COLQ: variants seen among roughly 807,000 people sequenced by gnomAD.
COLQ encodes acetylcholinesterase collagenic tail peptide.
In COLQ, 48 loss-of-function variants were observed where a neutral mutation model predicts 69.0. That is an observed-to-expected ratio of 0.70 (90% CI 0.55 to 0.88). The LOEUF is 0.88. Among genes scored for constraint, COLQ ranks in the 40% least tolerant of loss-of-function variants. The pLI is 0.00. For synonymous variants in COLQ, 217 were observed against 211.2 expected (o/e 1.03, Z -0.24); for missense variants, 618 against 594.6 (o/e 1.04, Z -0.41).
intron 14 of COLQ, 131 bp from the exon 15 acceptor site, chr3:15,456,150 G>T: frequency 8.8e-7 from 1 of 1,135,616 alleles, no homozygotes; most frequent in Non-Finnish European, 1.3e-6. Context: ...GGGTGGGAAA[G>T]GTACTCCTTT....
rs112017662 is a variant in COLQ, at chr3:15,455,754, G to A, written c.1195+145C>T. 4.9e-3 allele frequency: 4,768 copies of A among 982,124 alleles called. 135 individuals are homozygous for A. In the African/African-American group the frequency reaches 0.064, roughly 13 times the overall value. The allele number at this position is 982,124 out of a possible 1,614,324, so 60.8% of individuals were successfully genotyped here. A position where few individuals can be genotyped will look rare whatever the true frequency, so the allele number is the denominator to read the frequency against. On this transcript the variant is annotated intron_variant, in intron 15 of 16. Transcript: ENST00000383788. ...CTGAAACTGGGGCAGCAGGGACTGGGGTGGGTGGCACAAGGTGGCCTGGGT... is the reference window on the plus strand; with the variant it reads ...CTGAAACTGGGGCAGCAGGGACTGGAGTGGGTGGCACAAGGTGGCCTGGGT...
At chr3:15,488,157 C>T (rs199499628) in intron 3 of COLQ, 49 bp downstream of exon 3, 1 of 1,384,208 alleles carries the variant, frequency 7.2e-7, no homozygotes, top group East Asian at 2.3e-5. Context: ...AGTGGGCTTT[C>T]CTGCTCTAAA....
intron 12 of COLQ, 91 bp downstream of exon 12, chr3:15,466,250 C>A: frequency 1.1e-6 from 1 of 872,454 alleles, no homozygotes; most frequent in South Asian, 1.4e-5. Flanking sequence ...ACTTGAAACA[C>A]AAGGCATCTC....
At chr3:15,487,805 T>C (rs1002269593) in intron 3 of COLQ, among the ~76,000 whole-genome samples, 17 of 152,136 alleles carry the variant, frequency 1.1e-4, no homozygotes, top group Admixed American at 2.0e-4. Flanking sequence ...CCATCTCCTC[T>C]GCACCTCCAC....
At chr3:15,467,783 C>A (rs769806244) in intron 11 of COLQ, 3 of 441,982 alleles carry the variant, frequency 6.8e-6, no homozygotes, top group South Asian at 4.8e-5. Context: ...GAAATGTAAT[C>A]TTCCTCAAAT....
chr3:15,479,135 G>T, intron 4 of COLQ, 132 bp from the exon 5 acceptor site: 2 of 1,226,998 alleles, frequency 1.6e-6, no homozygotes, highest in Non-Finnish European at 2.4e-6. Context: ...CGGCCCCTCT[G>T]CCATGTCGAT....
In COLQ at chr3:15,451,650, G is replaced by T; in HGVS notation, c.1362C>A (p.Phe454Leu). ...CACCTTCTCCTCACGGCCCTCAGGT[G>T]AAGTAGCGGCAGGGCGTGGAGTCGA... is the stretch of plus-strand genomic sequence containing the variant. ...CYIDSTPCRY[F>L]T Residue 454 changes from phenylalanine (F) to leucine (L), a missense_variant, in exon 17 of 17, where the codon TTC becomes TTA. Transcript: ENST00000383788. The T allele has an allele frequency of 6.2e-7, 1 of 1,614,194 alleles. No homozygotes were observed. The highest frequency in any genetic ancestry group is 1.1e-5 in the South Asian group (1 of 91,082).
rs147866728 is a variant in COLQ at position 15,465,814 on chromosome 3, A to C, written c.814+527T>G. 2.5e-3 allele frequency among the ~76,000 whole-genome samples: 386 copies of C among 151,438 alleles called. 2 individuals carry two copies. Among genetic ancestry groups the C allele is most frequent in the African/African-American group, 9.1e-3 (375 of 41,256 alleles). ...AGAACGGTTTTTGCCATGGTTGACC[A>C]GGCTGGTTTCAAACTCCTGACCTCA... On this transcript the variant is annotated intron_variant, in intron 12 of 16. Transcript: ENST00000383788.
At chr3:15,507,666 G>A (rs1234097875) in intron 1 of COLQ, among the ~76,000 whole-genome samples, 1 of 152,152 alleles carries the variant, frequency 6.6e-6, no homozygotes, top group East Asian at 1.9e-4. Context: ...ATGTTGGCCA[G>A]CTGGTCTCAA....
chr3:15,499,007 A>T, intron 1 of COLQ: 5 of 1,051,224 alleles, frequency 4.8e-6, no homozygotes, highest in Non-Finnish European at 5.8e-6. Flanking sequence ...TGCTCTGGTA[A>T]GCCTCAAAGT....
At chr3:15,498,299 T>G (rs760667862) in intron 1 of COLQ, among the ~76,000 whole-genome samples, 25 of 152,190 alleles carry the variant, frequency 1.6e-4, no homozygotes, top group Non-Finnish European at 2.9e-4. Flanking sequence ...GAAACCCCTT[T>G]GCATTGCAAC....
At chr3:15,468,839 T>C (rs1403883276) in intron 11 of COLQ, among the ~76,000 whole-genome samples, 1 of 151,770 alleles carries the variant, frequency 6.6e-6, no homozygotes, top group Non-Finnish European at 1.5e-5. Context: ...TCAGCTTCCT[T>C]GAGAATAACC....
chr3:15,501,432 C>T lies in COLQ; in HGVS notation c.107-11795G>A, dbSNP rs138551203. 6.6e-3 allele frequency among the ~76,000 whole-genome samples: 1,012 copies of T among 152,318 alleles called. 18 individuals carry two copies. Among genetic ancestry groups the T allele is most frequent in the African/African-American group, 0.023 (939 of 41,556 alleles). Reference sequence around the variant, plus strand: ...TGTGTGACATAGATAACTCCCACAGCCTTCCCAGGGATCCAGAGGCAAAGA... The same window carrying T: ...TGTGTGACATAGATAACTCCCACAGTCTTCCCAGGGATCCAGAGGCAAAGA... On this transcript the variant is annotated intron_variant, in intron 1 of 16. Coordinates refer to ENST00000383788, the MANE Select transcript of COLQ (RefSeq NM_005677.4).
In COLQ at chr3:15,451,419, T is replaced by C; in HGVS notation, c.*225A>G. The C allele has an allele frequency of 1.5e-6, 1 of 675,994 alleles. No homozygotes were observed. Among genetic ancestry groups the C allele is most frequent in the Non-Finnish European group, 2.7e-6 (1 of 366,540 alleles). 41.9% of individuals were successfully genotyped at this position (675,994 alleles called of 1,614,324 possible). A position where few individuals can be genotyped will look rare whatever the true frequency, so the allele number is the denominator to read the frequency against. The stretch of plus-strand genomic sequence containing the variant: ...TAGCGATGGGGAACAGGTCTCAGGT[T>C]GGGCATGTGGAAGGTTTTCCAGTAC... On this transcript the variant is annotated 3_prime_UTR_variant, in exon 17 of 17. Transcript: ENST00000383788.
chr3:15,479,493 G>T, intron 3 of COLQ, 111 bp from the exon 4 acceptor site: 1 of 1,058,342 alleles, frequency 9.4e-7, no homozygotes, highest in Non-Finnish European at 1.5e-6. Context: ...TCTCTGGGCA[G>T]ATGTAGGGCT....
chr3:15,474,184 T>C (rs769727092), intron 9 of COLQ, 44 bp downstream of exon 9: 2 of 1,610,852 alleles, frequency 1.2e-6, no homozygotes, highest in Non-Finnish European at 1.7e-6. Flanking sequence ...GGCTGCTACT[T>C]GCACTGACAT....
intron 12 of COLQ, among the ~76,000 whole-genome samples, chr3:15,465,412 G>A (rs1257709632): frequency 6.1e-5 from 9 of 147,202 alleles, no homozygotes; most frequent in African/African-American, 1.7e-4. Flanking sequence ...GACTATAGGC[G>A]CCCGCCACCA....
At chr3:15,476,695 T>G (rs1045362158) in intron 6 of COLQ, among the ~76,000 whole-genome samples, 2 of 152,170 alleles carry the variant, frequency 1.3e-5, no homozygotes, top group South Asian at 2.1e-4. Context: ...TCATCAGCAC[T>G]CGACAATCCC....
intron 12 of COLQ, among the ~76,000 whole-genome samples, chr3:15,464,070 C>A (rs1188793149): frequency 6.6e-6 from 1 of 152,210 alleles, no homozygotes; most frequent in Non-Finnish European, 1.5e-5. Flanking sequence ...ACTTTTCTTT[C>A]TGCCTTCTGT....
Sources: gnomAD v4.1 joint callset for allele counts (sites outside exome capture counted in the v4.1 genomes callset) on GRCh38, gnomAD v4.1.1 for gene constraint, MANE v1.5 for transcripts, NCBI Gene and HGNC (gene_info 2026-07-23, HGNC 2026-07-21) for gene names.